MICA: variants seen among roughly 807,000 people sequenced by gnomAD.
The protein encoded by MICA is MHC class I polypeptide-related sequence A, also known as HLA class I antigen.
Under a neutral mutation model 34.3 loss-of-function variants are expected in MICA, and 18 were observed. The observed-to-expected ratio is 0.52, with a 90% CI of 0.36 to 0.78. The LOEUF (loss-of-function observed/expected upper bound fraction) is 0.78, where lower values mean the gene tolerates loss of function less well. Among genes scored for constraint, MICA ranks in the 30% least tolerant of loss-of-function variants. The pLI is 0.00. For synonymous variants in MICA, 135 were observed against 156.9 expected (o/e 0.86, Z 1.04); for missense variants, 333 against 409.4 (o/e 0.81, Z 1.61).
At chr6:31,413,614 C>A (rs1339428581) in intron 5 of MICA, among the ~76,000 whole-genome samples, 2 of 151,682 alleles carry the variant, frequency 1.3e-5, no homozygotes, top group Non-Finnish European at 2.9e-5. Flanking sequence ...CATCCTTGAA[C>A]CTAATTGCAC....
intron 1 of MICA, among the ~76,000 whole-genome samples, chr6:31,409,971 CCG>C (rs1770993726): frequency 8.0e-6 from 1 of 124,272 alleles, no homozygotes; most frequent in Admixed American, 7.8e-5. Flanking sequence ...CAAGCCCACA[CCG>C]TTCGTTGCTC....
chr6:31,411,238 C>T lies in MICA; in HGVS notation c.492C>T (p.Asn164=), dbSNP rs1359983332. Residue 164 remains asparagine (N), a synonymous_variant, in exon 3 of 6, where the codon AAC becomes AAT. Coordinates refer to ENST00000449934, the MANE Select transcript of MICA (RefSeq NM_001177519.3). This position sits in a 1 kb window ranked among gnomAD's most constrained non-coding sequence, Gnocchi z 4.3. ...CCAGAGCTCAGACCTTGGCCATGAA[C>T]GTCAGGAATTTCTTGAAGGAAGATG... ...QSSRAQTLAM[N]VRNFLKEDAM... is the part of the protein sequence containing the mutation. 6 of 1,613,040 alleles carry T rather than the reference C, an allele frequency of 3.7e-6. No homozygotes were observed. The highest frequency in any genetic ancestry group is 1.7e-5 in the Admixed American group (1 of 59,512).
Position 31,410,755 on chromosome 6 carries a change from G to A in MICA, c.283G>A (p.Asp95Asn), listed in dbSNP as rs1211143409. The change falls in exon 2 of 6, where the codon GAC becomes AAC. Residue 95 changes from aspartate (D) to asparagine (N), a missense_variant. Transcript: ENST00000449934. Reference protein sequence around the residue: ...ETRDLTGNGKDLRMTLAHIKD... With the variant: ...ETRDLTGNGKNLRMTLAHIKD... ...CAGGGACTTGACAGGGAACGGAAAG[G>A]ACCTCAGGATGACCCTGGCTCATAT... 3 of 1,589,034 alleles carry A rather than the reference G, an allele frequency of 1.9e-6. No individual in the cohort carries two copies. The highest frequency in any genetic ancestry group is 1.7e-6 in the Non-Finnish European group (2 of 1,167,846).
intron 1 of MICA, among the ~76,000 whole-genome samples, chr6:31,405,086 C>T (rs1233096105): frequency 1.3e-5 from 2 of 148,424 alleles, no homozygotes; most frequent in Admixed American, 6.8e-5. Context: ...CTCACCCTAC[C>T]CCAAGTTCTC....
chr6:31,415,270 G>T lies in MICA; in HGVS notation c.*288G>T. The stretch of plus-strand genomic sequence containing the variant: ...CACTTATTTATTGTTGTTGGAGGCT[G>T]CAAAATGTTAGTAGATATGAGGCAT... On this transcript the variant is annotated 3_prime_UTR_variant, in exon 6 of 6. Coordinates refer to ENST00000449934, the MANE Select transcript of MICA (RefSeq NM_001177519.3). The T allele has an allele frequency of 1.9e-6, 1 of 529,772 alleles. No homozygotes were observed. The highest frequency in any genetic ancestry group is 2.0e-5 in the African/African-American group (1 of 51,066). The allele number at this position is 529,772 out of a possible 1,614,324, so 32.8% of individuals were successfully genotyped here.
chr6:31,408,311 T>C (rs1691578700), intron 1 of MICA, among the ~76,000 whole-genome samples: 1 of 152,000 alleles, frequency 6.6e-6, no homozygotes, highest in Non-Finnish European at 1.5e-5. Flanking sequence ...GTTTTCTTTT[T>C]TATGATGTGT....
At chr6:31,406,373 T>G (rs1770749645) in intron 1 of MICA, among the ~76,000 whole-genome samples, 2 of 150,492 alleles carry the variant, frequency 1.3e-5, no homozygotes, top group Admixed American at 6.7e-5. Context: ...AAATGACTAT[T>G]CAGATCTTTT....
At position 31,408,030 on chromosome 6, in the gene MICA, T is replaced by C. The variant is rs192779221; in HGVS notation, c.71-2513T>C. 2.0e-3 allele frequency among the ~76,000 whole-genome samples: 302 copies of C among 152,024 alleles called. 3 individuals carry two copies. The highest frequency in any genetic ancestry group is 0.01 in the Middle Eastern group (3 of 294). On this transcript the variant is annotated intron_variant, in intron 1 of 5. Transcript: ENST00000449934. Reference sequence around the variant, plus strand: ...ATATTGAGGTCTGTTCCTTGTATACTTAGTTTTTTGAGAGTTTTTATCATG... The same window carrying C: ...ATATTGAGGTCTGTTCCTTGTATACCTAGTTTTTTGAGAGTTTTTATCATG...
rs553060235 is a variant in MICA at position 31,412,348 on chromosome 6, C to T, written c.916C>T (p.His306Tyr). ...PSGKVLVLQS[H>Y]WQTFHVSAVA... is the part of the protein sequence containing the mutation. ...AGGGAAAGTGCTGGTGCTTCAGAGTCATTGGCAGACATTCCATGTTTCTGC... is the reference window on the plus strand; with the variant it reads ...AGGGAAAGTGCTGGTGCTTCAGAGTTATTGGCAGACATTCCATGTTTCTGC... The change falls in exon 5 of 6, where the codon CAT (histidine) becomes TAT (tyrosine). Residue 306 changes from histidine (H) to tyrosine (Y), a missense_variant. Transcript: ENST00000449934. The T allele has an allele frequency of 1.0e-5, 16 of 1,594,148 alleles. No homozygotes were observed. In the East Asian group the frequency reaches 1.4e-4, roughly 14 times the overall value.
intron 1 of MICA, among the ~76,000 whole-genome samples, chr6:31,408,472 AT>A (rs1189895811): frequency 1.3e-5 from 2 of 151,884 alleles, no homozygotes; most frequent in African/African-American, 2.4e-5. Context: ...CATTACATAA[AT>A]TTTACTGTTT....
At chr6:31,409,323 A>ATGTGTGTG in intron 1 of MICA, among the ~76,000 whole-genome samples, 1 of 140,178 alleles carries the variant, frequency 7.1e-6, no homozygotes, top group African/African-American at 2.7e-5. Context: ...GTGTGTGTGT[A>ATGTGTGTG]TGTGTGTGTG....
upstream of MICA, chr6:31,403,545 C>T: frequency 9.1e-7 from 1 of 1,098,110 alleles, no homozygotes; most frequent in Non-Finnish European, 1.2e-6. This position sits in a 1 kb window ranked among gnomAD's most constrained non-coding sequence, Gnocchi z 4.7. Context: ...GATGAGCGGT[C>T]GGGGGACCGG....
Position 31,415,114 on chromosome 6 carries a change from C to A in MICA, c.*132C>A. ...CAGCCTCTGATGTCAGCTCTTGGGT[C>A]CACTGGCTCCACTGAGGGCACCTAG... On this transcript the variant is annotated 3_prime_UTR_variant, in exon 6 of 6. Coordinates refer to ENST00000449934, the MANE Select transcript of MICA (RefSeq NM_001177519.3). 8.7e-7 allele frequency: 1 copy of A among 1,151,824 alleles called. No individual in the cohort carries two copies. The highest frequency in any genetic ancestry group is 1.3e-6 in the Non-Finnish European group (1 of 774,384). The allele number at this position is 1,151,824 out of a possible 1,614,324, so 71.4% of individuals were successfully genotyped here.
intron 1 of MICA, among the ~76,000 whole-genome samples, chr6:31,407,832 CCTTT>C (rs901554568): frequency 2.6e-5 from 4 of 151,678 alleles, no homozygotes; most frequent in African/African-American, 9.7e-5. Context: ...GTTTTAATGC[CCTTT>C]CTTTCTTTCT....
At chr6:31,412,288 C>T (rs1404847950) in intron 4 of MICA, 37 bp from the exon 5 acceptor site, 8 of 1,604,754 alleles carry the variant, frequency 5.0e-6, no homozygotes, top group Non-Finnish European at 6.8e-6. Context: ...ATGGCTGTGG[C>T]TCTCTGCCCA....
At position 31,403,711 on chromosome 6, in the gene MICA, C is replaced by T. The variant is rs1770580053; in HGVS notation, c.70+9C>T. On this transcript the variant is annotated intron_variant, in intron 1 of 5. Transcript: ENST00000449934. The surrounding 1 kb of genome is among the most constrained non-coding windows in gnomAD (Gnocchi z 4.7). ...TCCGGGAGCTGCTGCTGGTGAGTGG[C>T]GTTCCTGGCGGTCCTCGGCGGAGCG... 1 of 1,527,002 alleles carries T rather than the reference C, an allele frequency of 6.5e-7. No homozygotes were observed. The allele number at this position is 1,527,002 out of a possible 1,614,324, so 94.6% of individuals were successfully genotyped here.
At position 31,412,143 on chromosome 6, in the gene MICA, C is replaced by T. The variant is rs41553318; in HGVS notation, c.810C>T (p.Thr270=). The change falls in exon 4 of 6, where the codon ACC becomes ACT. Residue 270 remains threonine (T), a synonymous_variant. Coordinates refer to ENST00000449934, the MANE Select transcript of MICA (RefSeq NM_001177519.3). Reference sequence around the variant, plus strand: ...GAACCTACCAGACCTGGGTGGCCACCAGGATTTGCCGAGGAGAGGAGCAGA... The same window carrying T: ...GAACCTACCAGACCTGGGTGGCCACTAGGATTTGCCGAGGAGAGGAGCAGA... ...GNGTYQTWVA[T]RICRGEEQRF... The T allele has an allele frequency of 4.1e-3, 6,622 of 1,612,776 alleles. 164 individuals carry two copies. The highest frequency in any genetic ancestry group is 0.036 in the African/African-American group (2,713 of 74,738).
At position 31,411,377 on chromosome 6, in the gene MICA, G is replaced by A. The variant is rs749381445; in HGVS notation, c.613+18G>A. 4.5e-6 allele frequency: 7 copies of A among 1,541,626 alleles called. No homozygotes were observed. Among genetic ancestry groups the A allele is most frequent in the South Asian group, 1.2e-5 (1 of 82,516 alleles). On this transcript the variant is annotated intron_variant, in intron 3 of 5. Coordinates refer to ENST00000449934, the MANE Select transcript of MICA (RefSeq NM_001177519.3). The surrounding 1 kb of genome is among the most constrained non-coding windows in gnomAD (Gnocchi z 4.3). Reference sequence around the variant, plus strand: ...GAGAACAGGTACCGACGCTGGCCAGGGGCTCTCCTCTCCCTCCAATTCTGC... The same window carrying A: ...GAGAACAGGTACCGACGCTGGCCAGAGGCTCTCCTCTCCCTCCAATTCTGC...
chr6:31,407,831 C>A (rs1428176629), intron 1 of MICA, among the ~76,000 whole-genome samples: 1 of 151,764 alleles, frequency 6.6e-6, no homozygotes, highest in Non-Finnish European at 1.5e-5. Flanking sequence ...AGTTTTAATG[C>A]CCTTTCTTTC....
Sources: allele counts gnomAD v4.1 joint callset (sites outside exome capture counted in the v4.1 genomes callset), GRCh38; gene constraint gnomAD v4.1.1; non-coding constraint Gnocchi (gnomAD v3.1); transcripts MANE v1.5; gene names NCBI Gene and HGNC (gene_info 2026-07-23, HGNC 2026-07-21).